The following CSMD1 variants were observed in gnomAD, a reference collection of about 807,000 sequenced individuals.
CSMD1 encodes the protein CUB and Sushi multiple domains 1, also known as CUB and sushi domain-containing protein 1.
Under a neutral mutation model 417.5 loss-of-function variants are expected in CSMD1, and 213 were observed. The ratio of observed to expected loss-of-function variants is 0.51; its 90% CI spans 0.46 to 0.57. The LOEUF is 0.57. Among genes scored for constraint, CSMD1 ranks in the 20% least tolerant of loss-of-function variants. CSMD1 has a pLI of 0.00. For missense variants in CSMD1, 6,923 were observed against 4,529.7 expected, an observed-to-expected ratio of 1.53 and a Z score of -15.17; for synonymous variants, 2,862 against 1,736.8, an observed-to-expected ratio of 1.65 and a Z score of -16.11.
At chr8:4,140,573 T>C (rs1334986159) in intron 3 of CSMD1, among the ~76,000 whole-genome samples, 1 of 150,780 alleles carries the variant, frequency 6.6e-6, no homozygotes, top group East Asian at 1.9e-4. Flanking sequence ...GAGGCTAAGG[T>C]GGGAAGACTG....
chr8:3,096,365 C>T (rs1200287522), intron 47 of CSMD1, among the ~76,000 whole-genome samples: 6 of 148,990 alleles, frequency 4.0e-5, no homozygotes, highest in Admixed American at 1.3e-4. Flanking sequence ...GTGGGTCTTT[C>T]CCATGCTGTT....
chr8:4,880,665 G>A (rs1018423108), intron 1 of CSMD1, among the ~76,000 whole-genome samples: 1 of 152,034 alleles, frequency 6.6e-6, no homozygotes, highest in East Asian at 1.9e-4. Flanking sequence ...CGGAAGTGGA[G>A]ACAGAGAGAC....
intron 33 of CSMD1, among the ~76,000 whole-genome samples, chr8:3,195,209 T>C (rs183243744): frequency 1.6e-4 from 24 of 152,214 alleles, no homozygotes; most frequent in Admixed American, 1.6e-3. Flanking sequence ...ACATGAAGGT[T>C]TACTGAGACA....
intron 3 of CSMD1, among the ~76,000 whole-genome samples, chr8:4,235,989 G>A (rs1007867037): frequency 2.0e-5 from 3 of 146,456 alleles, no homozygotes; most frequent in Admixed American, 6.9e-5. Flanking sequence ...CAAGTGATTC[G>A]TGATAATCAC....
At chr8:4,658,853 G>A (rs1322510859) in intron 1 of CSMD1, among the ~76,000 whole-genome samples, 2 of 152,108 alleles carry the variant, frequency 1.3e-5, no homozygotes, top group African/African-American at 4.8e-5. Context: ...TGTGAACATG[G>A]TCTGGGGTTG....
chr8:3,579,464 G>C (rs1208194829), intron 9 of CSMD1, among the ~76,000 whole-genome samples: 1 of 152,140 alleles, frequency 6.6e-6, no homozygotes, highest in Non-Finnish European at 1.5e-5. Flanking sequence ...ATTTAAATTA[G>C]TGGGATTTCA....
At chr8:3,290,588 T>C (rs949011551) in intron 25 of CSMD1, among the ~76,000 whole-genome samples, 6 of 146,828 alleles carry the variant, frequency 4.1e-5, no homozygotes, top group Admixed American at 3.4e-4. Context: ...TTTGAAGCAA[T>C]TGTGAATGGG....
At position 3,307,802 on chromosome 8, in the gene CSMD1, G is replaced by C. The variant is rs759285944; in HGVS notation, c.3843C>G (p.Ile1281Met). 2 of 1,613,378 alleles carry C rather than the reference G, an allele frequency of 1.2e-6. No individual in the cohort carries two copies. Among genetic ancestry groups the C allele is most frequent in the South Asian group, 1.1e-5 (1 of 91,018 alleles). The change falls in exon 25 of 70, where the codon ATC (isoleucine) becomes ATG (methionine). Residue 1281 changes from isoleucine to methionine, a missense_variant. Ile to Met is a conservative substitution (Grantham distance 10). Transcript: ENST00000635120. ...PSCIAECGGQ[I>M]HAATSGRILS... ...ATATTCGTCCTGATGTGGCTGCATG[G>C]ATCTGACCACCACATTCCGCTGTAG... is the stretch of plus-strand genomic sequence containing the variant.
chr8:3,192,492 G>C (rs1439359888), intron 33 of CSMD1, among the ~76,000 whole-genome samples: 5 of 152,144 alleles, frequency 3.3e-5, no homozygotes, highest in South Asian at 2.1e-4. Context: ...ATGAAACACA[G>C]TAATTGTCAT....
intron 6 of CSMD1, among the ~76,000 whole-genome samples, chr8:3,716,060 G>A (rs748620443): frequency 3.3e-5 from 5 of 152,122 alleles, no homozygotes; most frequent in Non-Finnish European, 7.4e-5. Flanking sequence ...CCACCCTCCT[G>A]TTCACTCTGA....
chr8:4,241,592 G>C (rs777686746), intron 3 of CSMD1, among the ~76,000 whole-genome samples: 3 of 152,122 alleles, frequency 2.0e-5, no homozygotes, highest in Non-Finnish European at 4.4e-5. Context: ...TAAATACCCG[G>C]AACACAAGTT....
chr8:4,718,153 T>G (rs1808808514), intron 1 of CSMD1, among the ~76,000 whole-genome samples: 1 of 152,066 alleles, frequency 6.6e-6, no homozygotes, highest in Non-Finnish European at 1.5e-5. Flanking sequence ...TTTTACATTA[T>G]TTTTGTACAG....
chr8:4,839,308 G>T (rs796240265), intron 1 of CSMD1, among the ~76,000 whole-genome samples: 7 of 152,042 alleles, frequency 4.6e-5, no homozygotes, highest in African/African-American at 1.7e-4. Context: ...CAGACAGAAG[G>T]GACAAGAAAT....
In CSMD1 at chr8:4,158,642, G is replaced by A. The variant is rs149625981; in HGVS notation, c.416-126543C>T. 6.4e-4 allele frequency among the ~76,000 whole-genome samples: 98 copies of A among 152,180 alleles called. No homozygotes were observed. In the Middle Eastern group the frequency reaches 0.014, roughly 21 times the overall value. On this transcript the variant is annotated intron_variant, in intron 3 of 69. Coordinates refer to ENST00000635120, the MANE Select transcript of CSMD1 (RefSeq NM_033225.6). ...GATAATTTTCACAGTGGCGTTGCTG[G>A]TGGTAGTGGAAGATCAACGCCGTAA...
intron 41 of CSMD1, among the ~76,000 whole-genome samples, chr8:3,137,543 A>T (rs1429355562): frequency 6.6e-6 from 1 of 152,228 alleles, no homozygotes; most frequent in Non-Finnish European, 1.5e-5. Context: ...GCATCCTTTA[A>T]ACATAGAAAT....
At chr8:3,369,215 T>A (rs1809794281) in intron 19 of CSMD1, 39 bp downstream of exon 19, 2 of 983,074 alleles carry the variant, frequency 2.0e-6, no homozygotes, top group Admixed American at 2.0e-5. Flanking sequence ...CTGTCTCATT[T>A]ATTAGTCTGT....
chr8:4,180,014 G>C (rs1160787932), intron 3 of CSMD1, among the ~76,000 whole-genome samples: 17 of 152,090 alleles, frequency 1.1e-4, no homozygotes, highest in Non-Finnish European at 1.6e-4. Flanking sequence ...GTGGAAGTCA[G>C]TGTGGCGATT....
At chr8:4,486,988 C>T (rs148165767) in intron 2 of CSMD1, among the ~76,000 whole-genome samples, 2 of 152,160 alleles carry the variant, frequency 1.3e-5, no homozygotes, top group South Asian at 2.1e-4. Flanking sequence ...CGGCTACACA[C>T]GCCTTCCACA....
In CSMD1 at chr8:3,693,021, C is replaced by T. The variant is rs979218057; in HGVS notation, c.1009+15393G>A. On this transcript the variant is annotated intron_variant, in intron 7 of 69. Transcript: ENST00000635120. The stretch of plus-strand genomic sequence containing the variant: ...GTAACATTAATATTATATTGGTAAA[C>T]TCTTAAGAAGGTTTACAATATTAAA... Among the ~76,000 whole-genome samples, 5 of 152,128 alleles carry T rather than the reference C, an allele frequency of 3.3e-5. No homozygotes were observed. In the East Asian group the frequency reaches 9.7e-4, roughly 29 times the overall value.
Sources: gnomAD v4.1 joint callset for allele counts (sites outside exome capture counted in the v4.1 genomes callset) on GRCh38, gnomAD v4.1.1 for gene constraint, MANE v1.5 for transcripts, NCBI Gene and HGNC (gene_info 2026-07-23, HGNC 2026-07-21) for gene names.